The following GSG1L variants were observed in gnomAD, a reference collection of about 807,000 sequenced individuals.
GSG1L encodes the protein germ cell-specific gene 1-like protein.
A neutral mutation model predicts 42.1 loss-of-function variants in GSG1L; 24 were observed. The ratio of observed to expected loss-of-function variants is 0.57; its 90% CI spans 0.41 to 0.80. GSG1L has a LOEUF of 0.80. Ranked by LOEUF, GSG1L falls within the 30% of genes least tolerant of loss-of-function variation. GSG1L has a pLI of 0.00. For synonymous variants in GSG1L, 215 were observed against 203.5 expected (o/e 1.06, Z -0.48); for missense variants, 445 against 472.2 (o/e 0.94, Z 0.53).
In GSG1L at chr16:27,796,936, C is replaced by G. The variant is rs574513080; in HGVS notation, c.899-5469G>C. Among the ~76,000 whole-genome samples the G allele has an allele frequency of 2.0e-5, 3 of 152,274 alleles. No homozygotes were observed. In the South Asian group the frequency reaches 6.2e-4, roughly 32 times the overall value. On this transcript the variant is annotated intron_variant, in intron 6 of 6. Transcript: ENST00000447459. ...CGTGAGTGAGATGCGGCCCTCCCCCCGGGTGCTCACAGGCACACATATGAA... is the reference window on the plus strand; with the variant it reads ...CGTGAGTGAGATGCGGCCCTCCCCCGGGGTGCTCACAGGCACACATATGAA...
chr16:27,946,575 AAGAAAGAGAGAGAGAG>A (rs1473068304), intron 2 of GSG1L, among the ~76,000 whole-genome samples: 256 of 25,208 alleles, frequency 0.01, 1 homozygote, highest in South Asian at 0.021. Context: ...GAAAGAAAGA[AAGAAAGAGAGAGAGAG>A]AGAGAGAGAG....
chr16:27,869,951 A>G (rs1249041013), intron 3 of GSG1L, among the ~76,000 whole-genome samples: 1 of 35,860 alleles, frequency 2.8e-5, no homozygotes, highest in African/African-American at 1.2e-4. Flanking sequence ...GTCTCCCTCC[A>G]TCTCTCTCTC....
chr16:28,045,651 T>G (rs2086151823), intron 1 of GSG1L, among the ~76,000 whole-genome samples: 1 of 152,166 alleles, frequency 6.6e-6, no homozygotes, highest in Non-Finnish European at 1.5e-5. Flanking sequence ...CACCCCAGCC[T>G]GAGCAACAAG....
At chr16:27,930,518 GT>G (rs1205813243) in intron 2 of GSG1L, among the ~76,000 whole-genome samples, 3 of 152,216 alleles carry the variant, frequency 2.0e-5, no homozygotes, top group African/African-American at 4.8e-5. Flanking sequence ...CTTCACTGCT[GT>G]ATTTTGGGGG....
chr16:27,849,735 G>T (rs1412877784), intron 3 of GSG1L, among the ~76,000 whole-genome samples: 1 of 152,020 alleles, frequency 6.6e-6, no homozygotes, highest in Non-Finnish European at 1.5e-5. Flanking sequence ...GAGTCTCCCT[G>T]TGTTGTCCAG....
intron 1 of GSG1L, among the ~76,000 whole-genome samples, chr16:27,979,518 A>G (rs1194172925): frequency 2.0e-5 from 3 of 148,320 alleles, no homozygotes; most frequent in Non-Finnish European, 4.5e-5. Context: ...CTGAGCCACC[A>G]AGATCATGCC....
chr16:27,912,869 G>A (rs2084407897), intron 2 of GSG1L, among the ~76,000 whole-genome samples: 1 of 152,180 alleles, frequency 6.6e-6, no homozygotes. Context: ...ACAGTAGAAT[G>A]GATAAATAAA....
At chr16:27,930,421 A>G (rs1240076540) in intron 2 of GSG1L, among the ~76,000 whole-genome samples, 3 of 152,074 alleles carry the variant, frequency 2.0e-5, no homozygotes, top group Non-Finnish European at 4.4e-5. Context: ...ACACCATCTA[A>G]CACGCTCCAC....
chr16:28,039,293 A>G (rs751239210), intron 1 of GSG1L, among the ~76,000 whole-genome samples: 2 of 150,168 alleles, frequency 1.3e-5, no homozygotes, highest in Non-Finnish European at 2.9e-5. Flanking sequence ...AAATGCCCCT[A>G]TGAAGGTTTC....
chr16:27,961,197 C>T (rs1400864770), intron 2 of GSG1L, among the ~76,000 whole-genome samples: 2 of 152,232 alleles, frequency 1.3e-5, no homozygotes, highest in African/African-American at 4.8e-5. Context: ...GCTCACCCAG[C>T]TCATCCACAG....
At chr16:27,886,855 T>G (rs1013159123) in intron 2 of GSG1L, among the ~76,000 whole-genome samples, 1 of 152,208 alleles carries the variant, frequency 6.6e-6, no homozygotes, top group Admixed American at 6.5e-5. Context: ...CATGGACCCA[T>G]GACCCAAGTC....
Position 27,832,869 on chromosome 16 carries a change from C to A in GSG1L, c.663-3913G>T, listed in dbSNP as rs995079250. 4.6e-5 allele frequency among the ~76,000 whole-genome samples: 7 copies of A among 152,224 alleles called. No homozygotes were observed. The East Asian group carries it at 1.2e-3, about 25-fold the overall frequency. ...TCTTTGTATATCCTAGAGATTAGTT[C>A]TTTGTCAGAAATGTGGTTTACAAAT... is the stretch of plus-strand genomic sequence containing the variant. On this transcript the variant is annotated intron_variant, in intron 4 of 6. Coordinates refer to ENST00000447459, the MANE Select transcript of GSG1L (RefSeq NM_001109763.2).
At chr16:28,009,694 C>T (rs1283528299) in intron 1 of GSG1L, among the ~76,000 whole-genome samples, 1 of 152,232 alleles carries the variant, frequency 6.6e-6, no homozygotes, top group Non-Finnish European at 1.5e-5. Context: ...GGCAGGGATG[C>T]AGTGGAAACG....
chr16:27,807,930 G>T (rs1559167), intron 5 of GSG1L, among the ~76,000 whole-genome samples: 70,966 of 152,098 alleles, frequency 0.47, 16,954 homozygotes, highest in African/African-American at 0.58. Context: ...TACATTGAAA[G>T]GCACAGAAAT....
chr16:27,882,941 A>T (rs1366772587), intron 3 of GSG1L, among the ~76,000 whole-genome samples: 1 of 151,690 alleles, frequency 6.6e-6, no homozygotes, highest in Non-Finnish European at 1.5e-5. Flanking sequence ...CCCTATCTCT[A>T]AAAAAAATTT....
chr16:28,005,275 A>G (rs2412090), intron 1 of GSG1L, among the ~76,000 whole-genome samples: 110,205 of 151,312 alleles, frequency 0.73, 40,315 homozygotes, highest in South Asian at 0.88. Flanking sequence ...CACCATGCCC[A>G]GCTAATTCTG....
At chr16:27,991,939 T>G (rs2085461537) in intron 1 of GSG1L, among the ~76,000 whole-genome samples, 1 of 151,422 alleles carries the variant, frequency 6.6e-6, no homozygotes, top group South Asian at 2.1e-4. Context: ...TCAGGAGAGG[T>G]GGGTGAGTGA....
intron 2 of GSG1L, among the ~76,000 whole-genome samples, chr16:27,941,030 A>G (rs1004811128): frequency 1.3e-5 from 2 of 152,146 alleles, no homozygotes; most frequent in Non-Finnish European, 2.9e-5. Context: ...CCTAAACAGA[A>G]GAGCTAAAAC....
intron 5 of GSG1L, among the ~76,000 whole-genome samples, chr16:27,827,598 C>T (rs543617867): frequency 6.6e-6 from 1 of 152,116 alleles, no homozygotes; most frequent in African/African-American, 2.4e-5. Context: ...AAACAATGAA[C>T]TCATCCCCTG....
Sources: allele counts gnomAD v4.1 joint callset (sites outside exome capture counted in the v4.1 genomes callset), GRCh38; gene constraint gnomAD v4.1.1; transcripts MANE v1.5; gene names NCBI Gene and HGNC (gene_info 2026-07-23, HGNC 2026-07-21).